The following METTL15 variants were observed in gnomAD, a reference collection of about 807,000 sequenced individuals.
The protein encoded by METTL15 is methyltransferase 15, mitochondrial 12S rRNA N4-cytidine.
In METTL15, 34 loss-of-function variants were observed where a neutral mutation model predicts 38.3. The ratio of observed to expected loss-of-function variants is 0.89; its 90% CI spans 0.68 to 1.18. The LOEUF (loss-of-function observed/expected upper bound fraction) is 1.18, where lower values mean the gene tolerates loss of function less well. METTL15 is among the 50% of genes most tolerant of loss of function. The pLI, the probability that METTL15 is intolerant of heterozygous loss-of-function variation, is 0.00. For synonymous variants in METTL15, 162 were observed against 170.9 expected (o/e 0.95, Z 0.41); for missense variants, 438 against 498.4 (o/e 0.88, Z 1.15).
chr11:28,363,083 T>C (rs1850154162), intron 5 of METTL15, among the ~76,000 whole-genome samples: 2 of 152,368 alleles, frequency 1.3e-5, no homozygotes, highest in South Asian at 4.1e-4. Context: ...AATCGTGATT[T>C]TATTTCCAGC....
At chr11:28,387,986 A>G (rs1263765839) in intron 5 of METTL15, among the ~76,000 whole-genome samples, 1 of 152,118 alleles carries the variant, frequency 6.6e-6, no homozygotes, top group Non-Finnish European at 1.5e-5. Context: ...AAAGTATTTG[A>G]GAAAACTCAA....
At chr11:28,277,507 G>C (rs1429806243) in intron 4 of METTL15, among the ~76,000 whole-genome samples, 2 of 152,090 alleles carry the variant, frequency 1.3e-5, no homozygotes, top group Non-Finnish European at 2.9e-5. Context: ...AGACCAGCCT[G>C]GCCAACACTG....
intron 3 of METTL15, among the ~76,000 whole-genome samples, chr11:28,146,439 C>G (rs1028369071): frequency 6.6e-6 from 1 of 151,940 alleles, no homozygotes; most frequent in Non-Finnish European, 1.5e-5. Context: ...GACATCCTAC[C>G]AAAGTATTTT....
intron 6 of METTL15, among the ~76,000 whole-genome samples, chr11:28,463,675 G>A (rs1851234146): frequency 6.6e-6 from 1 of 151,778 alleles, no homozygotes; most frequent in Non-Finnish European, 1.5e-5. Context: ...TGGTTATACT[G>A]TATTAACAAG....
At chr11:28,229,445 G>A (rs1170895616) in intron 4 of METTL15, among the ~76,000 whole-genome samples, 1 of 151,928 alleles carries the variant, frequency 6.6e-6, no homozygotes, top group Non-Finnish European at 1.5e-5. Flanking sequence ...CTATACCTGT[G>A]CAATGCTCTG....
intron 6 of METTL15, among the ~76,000 whole-genome samples, chr11:28,506,157 C>T (rs1280552612): frequency 1.3e-5 from 2 of 152,138 alleles, no homozygotes; most frequent in Admixed American, 6.5e-5. Context: ...CTGTACTCTC[C>T]GCTTGCCTCT....
intron 3 of METTL15, among the ~76,000 whole-genome samples, chr11:28,116,967 ATAAAG>A (rs1389887993): frequency 3.3e-5 from 5 of 152,116 alleles, no homozygotes; most frequent in African/African-American, 1.2e-4. Context: ...ATTTACGTGT[ATAAAG>A]TATTTAGCTC....
At chr11:28,209,862 C>G (rs1022495089) in intron 3 of METTL15, among the ~76,000 whole-genome samples, 2 of 151,938 alleles carry the variant, frequency 1.3e-5, no homozygotes, top group Admixed American at 1.3e-4. Context: ...TGCACATGAA[C>G]TTTAAGAAAA....
At chr11:28,267,808 C>T (rs1855485340) in intron 4 of METTL15, among the ~76,000 whole-genome samples, 2 of 152,146 alleles carry the variant, frequency 1.3e-5, no homozygotes, top group African/African-American at 4.8e-5. Context: ...CTTCCTTATA[C>T]AAAGTATGTG....
intron 3 of METTL15, among the ~76,000 whole-genome samples, chr11:28,140,736 C>A (rs948432073): frequency 6.6e-6 from 1 of 152,274 alleles, no homozygotes; most frequent in African/African-American, 2.4e-5. Context: ...GCTGGTTGCC[C>A]CCTTCACAGT....
At chr11:28,492,096 C>T (rs987269947) in intron 6 of METTL15, among the ~76,000 whole-genome samples, 3 of 152,192 alleles carry the variant, frequency 2.0e-5, no homozygotes, top group South Asian at 4.1e-4. Context: ...TGTCTGAGCA[C>T]AAAAGTATGG....
At chr11:28,322,138 C>A (rs2134048502) in intron 6 of METTL15, among the ~76,000 whole-genome samples, 1 of 151,934 alleles carries the variant, frequency 6.6e-6, no homozygotes, top group Admixed American at 6.6e-5. Flanking sequence ...AAAAACCTTC[C>A]TAAATTTAAT....
exon 8 of METTL15, chr11:28,526,648 A>C (rs1851814169): frequency 6.6e-6 from 1 of 152,178 alleles, no homozygotes; most frequent in Non-Finnish European, 1.5e-5. Context: ...ATGAAGACAC[A>C]TGGAGAGGGG....
At chr11:28,371,682 A>G (rs897409784) in intron 5 of METTL15, among the ~76,000 whole-genome samples, 12 of 152,168 alleles carry the variant, frequency 7.9e-5, no homozygotes, top group African/African-American at 2.2e-4. Flanking sequence ...TGAGTCATTT[A>G]TAGTTTACTT....
At chr11:28,339,908 A>G (rs1849934989) in intron 3 of METTL15, among the ~76,000 whole-genome samples, 1 of 152,182 alleles carries the variant, frequency 6.6e-6, no homozygotes, top group Non-Finnish European at 1.5e-5. Context: ...GATGTGAAAA[A>G]CAAAAAATCA....
intron 4 of METTL15, among the ~76,000 whole-genome samples, chr11:28,263,408 A>T (rs1183871630): frequency 6.6e-6 from 1 of 152,112 alleles, no homozygotes; most frequent in Admixed American, 6.5e-5. Flanking sequence ...GGTGATAAAG[A>T]CAAAAACTAA....
intron 5 of METTL15, among the ~76,000 whole-genome samples, chr11:28,375,727 C>G (rs1850302897): frequency 6.6e-6 from 1 of 151,918 alleles, no homozygotes; most frequent in Non-Finnish European, 1.5e-5. Context: ...TGTGTGTGCT[C>G]TTGCTTTTCT....
intron 4 of METTL15, among the ~76,000 whole-genome samples, chr11:28,228,332 A>G (rs1853561458): frequency 6.7e-6 from 1 of 149,122 alleles, no homozygotes; most frequent in Non-Finnish European, 1.5e-5. Flanking sequence ...TTTACTCACT[A>G]TAAAACTTTG....
intron 6 of METTL15, among the ~76,000 whole-genome samples, chr11:28,329,755 A>G (rs1412736461): frequency 1.3e-5 from 2 of 152,080 alleles, no homozygotes; most frequent in Non-Finnish European, 2.9e-5. Flanking sequence ...TTGAATGCAG[A>G]CCTATTCACA....
Sources: gnomAD v4.1 joint callset for allele counts (sites outside exome capture counted in the v4.1 genomes callset) on GRCh38, gnomAD v4.1.1 for gene constraint, MANE v1.5 for transcripts, NCBI Gene and HGNC (gene_info 2026-07-23, HGNC 2026-07-21) for gene names.